TRAPPC9: variants seen among roughly 807,000 people sequenced by gnomAD.
TRAPPC9 encodes the protein trafficking protein particle complex subunit 9.
Under a neutral mutation model 124.0 loss-of-function variants are expected in TRAPPC9, and 83 were observed. The observed-to-expected ratio is 0.67, with a 90% CI of 0.56 to 0.80. TRAPPC9 has a LOEUF of 0.80. Ranked by LOEUF, TRAPPC9 falls within the 30% of genes least tolerant of loss-of-function variation. TRAPPC9 has a pLI of 0.00. For missense variants in TRAPPC9, 1,302 were observed against 1,508.3 expected, an observed-to-expected ratio of 0.86 and a Z score of 2.27; for synonymous variants, 638 against 617.5, an observed-to-expected ratio of 1.03 and a Z score of -0.49.
At chr8:140,381,667 CAAAAAA>C (rs56659960) in intron 7 of TRAPPC9, among the ~76,000 whole-genome samples, 9 of 48,414 alleles carry the variant, frequency 1.9e-4, no homozygotes, top group Admixed American at 6.3e-4. Context: ...GACTCTGTCT[CAAAAAA>C]AAAAAAAAAA....
intron 17 of TRAPPC9, among the ~76,000 whole-genome samples, chr8:140,032,055 C>T (rs1301926318): frequency 6.6e-6 from 1 of 152,210 alleles, no homozygotes; most frequent in African/African-American, 2.4e-5. Context: ...CCGCCACGTC[C>T]TACCTGCACT....
chr8:140,030,666 C>T (rs1840443165), intron 17 of TRAPPC9, among the ~76,000 whole-genome samples: 1 of 152,166 alleles, frequency 6.6e-6, no homozygotes, highest in African/African-American at 2.4e-5. Flanking sequence ...AAACGAAATA[C>T]TACTCAGCTA....
chr8:140,348,398 G>C (rs780329413), intron 9 of TRAPPC9, among the ~76,000 whole-genome samples: 2 of 152,158 alleles, frequency 1.3e-5, no homozygotes, highest in African/African-American at 2.4e-5. Context: ...AATTAGAAGA[G>C]TAAGGCAGCG....
chr8:140,430,415 G>T (rs1421570328), intron 4 of TRAPPC9, among the ~76,000 whole-genome samples: 1 of 152,096 alleles, frequency 6.6e-6, no homozygotes, highest in Non-Finnish European at 1.5e-5. Flanking sequence ...GGAGTGAGGT[G>T]TAAGATGAGT....
intron 14 of TRAPPC9, among the ~76,000 whole-genome samples, chr8:140,282,170 G>A (rs918434613): frequency 6.6e-6 from 1 of 152,082 alleles, no homozygotes; most frequent in African/African-American, 2.4e-5. Context: ...TATAAAAATG[G>A]CCAAAAGGAT....
At chr8:140,259,641 T>C (rs1212698592) in intron 15 of TRAPPC9, among the ~76,000 whole-genome samples, 2 of 152,244 alleles carry the variant, frequency 1.3e-5, no homozygotes, top group Non-Finnish European at 2.9e-5. Context: ...CAACCAATGC[T>C]AGTTATTCCT....
chr8:140,176,489 AC>A (rs1221404178), intron 17 of TRAPPC9, among the ~76,000 whole-genome samples: 2 of 152,226 alleles, frequency 1.3e-5, no homozygotes, highest in Non-Finnish European at 2.9e-5. Context: ...TGTTGGGCAT[AC>A]CGGTAGCTCG....
intron 11 of TRAPPC9, among the ~76,000 whole-genome samples, chr8:140,300,149 A>G (rs2065923546): frequency 1.3e-5 from 2 of 152,240 alleles, no homozygotes. Context: ...AATCAAATAA[A>G]CTTCCATGAC....
At chr8:139,851,261 C>T (rs1047517890) in intron 21 of TRAPPC9, among the ~76,000 whole-genome samples, 4 of 152,324 alleles carry the variant, frequency 2.6e-5, no homozygotes, top group Middle Eastern at 3.4e-3. Flanking sequence ...CTTTCTTGAA[C>T]TTGACCGGAT....
chr8:139,795,429 C>T (rs1017679669), intron 21 of TRAPPC9, among the ~76,000 whole-genome samples: 1 of 152,008 alleles, frequency 6.6e-6, no homozygotes, highest in Non-Finnish European at 1.5e-5. Flanking sequence ...ACCAGATGAT[C>T]CCCAGGGACC....
At chr8:139,981,030 C>T (rs34728260) in intron 19 of TRAPPC9, among the ~76,000 whole-genome samples, 31,835 of 152,164 alleles carry the variant, frequency 0.21, 4,256 homozygotes, top group African/African-American at 0.39. Flanking sequence ...TCTCTTGTCA[C>T]CTGAGTCAGC....
chr8:140,212,963 G>A lies in TRAPPC9; in HGVS notation c.2556+8496C>T, dbSNP rs1305800262. Among the ~76,000 whole-genome samples the A allele has an allele frequency of 2.0e-5, 3 of 151,898 alleles. No individual in the cohort carries two copies. The East Asian group carries it at 5.8e-4, about 29-fold the overall frequency. ...GCACACCTGTAGTCCCAGCTACTTGGGAGGCTGAGACAGGAGAATCGCTTG... is the reference window on the plus strand; with the variant it reads ...GCACACCTGTAGTCCCAGCTACTTGAGAGGCTGAGACAGGAGAATCGCTTG... On this transcript the variant is annotated intron_variant, in intron 17 of 22. Transcript: ENST00000438773.
At chr8:139,915,513 C>T (rs74734929) in intron 19 of TRAPPC9, among the ~76,000 whole-genome samples, 6,745 of 152,238 alleles carry the variant, frequency 0.044, 293 homozygotes, top group African/African-American at 0.12. Context: ...TCCCAAAATA[C>T]TGGGGTTACA....
intron 17 of TRAPPC9, among the ~76,000 whole-genome samples, chr8:140,160,179 C>T (rs1003236890): frequency 2.6e-5 from 4 of 152,180 alleles, no homozygotes; most frequent in South Asian, 2.1e-4. Flanking sequence ...GAAATAGGAA[C>T]GCTTTTACAC....
intron 7 of TRAPPC9, among the ~76,000 whole-genome samples, chr8:140,376,125 T>A (rs1207486127): frequency 6.6e-6 from 1 of 152,180 alleles, no homozygotes; most frequent in Non-Finnish European, 1.5e-5. Context: ...AGCATCTGTC[T>A]AAAGTAATTG....
Position 140,451,298 on chromosome 8 carries a change from C to G in TRAPPC9, c.76G>C (p.Val26Leu). Residue 26 changes from valine (V) to leucine (L), a missense_variant, in exon 2 of 23, where the codon GTC (valine) becomes CTC (leucine). Physicochemically the swap from Val to Leu is conservative, Grantham distance 32. Transcript: ENST00000438773. ...LLVVVQPVGI[V>L]SEENFFRIYK... is the part of the protein sequence containing the mutation. ...ATCCTGAAGAAGTTCTCCTCGGAGA[C>G]GATGCCCACAGGCTGGACCACCACG... The G allele has an allele frequency of 1.2e-6, 2 of 1,609,638 alleles. No homozygotes were observed.
At chr8:140,099,578 G>A (rs1587705735) in intron 17 of TRAPPC9, 1 of 150,612 alleles carries the variant, frequency 6.6e-6, no homozygotes, top group East Asian at 2.0e-4. Flanking sequence ...ACTCAGCTAG[G>A]TCTCAGTGCG....
In TRAPPC9 at chr8:140,359,813, C is replaced by T. The variant is rs1049202704; in HGVS notation, c.1495+237G>A. On this transcript the variant is annotated intron_variant, in intron 9 of 22. Coordinates refer to ENST00000438773, the MANE Select transcript of TRAPPC9 (RefSeq NM_001160372.4). ...TGGAGGGAAAAGCCATGGAGTGTGG[C>T]GGCCGAGGAGCAGGAGGAGATGGCG... Among the ~76,000 whole-genome samples, 4 of 152,182 alleles carry T rather than the reference C, an allele frequency of 2.6e-5. No homozygotes were observed. In the East Asian group the frequency reaches 7.7e-4, roughly 29 times the overall value.
chr8:140,229,631 C>T (rs1470667773), intron 16 of TRAPPC9, among the ~76,000 whole-genome samples: 3 of 150,782 alleles, frequency 2.0e-5, no homozygotes, highest in Non-Finnish European at 4.4e-5. Context: ...TGTAGCGGCG[C>T]GATCTCGGCT....
Sources: gnomAD v4.1 joint callset for allele counts (sites outside exome capture counted in the v4.1 genomes callset) on GRCh38, gnomAD v4.1.1 for gene constraint, MANE v1.5 for transcripts, NCBI Gene and HGNC (gene_info 2026-07-23, HGNC 2026-07-21) for gene names.